The following PKD1L1 variants were observed in gnomAD, a reference collection of about 807,000 sequenced individuals.
PKD1L1 encodes polycystin-1-like protein 1.
A neutral mutation model predicts 323.4 loss-of-function variants in PKD1L1; 236 were observed. The observed-to-expected ratio is 0.73, with a 90% CI of 0.66 to 0.81. The LOEUF is 0.81. PKD1L1 is among the 40% of genes least tolerant of loss of function. PKD1L1 has a pLI of 0.00. For synonymous variants in PKD1L1, 1,344 were observed against 1,335.0 expected (o/e 1.01, Z -0.15); for missense variants, 3,320 against 3,508.0 (o/e 0.95, Z 1.35).
At chr7:47,880,551 GGATTACAA>G in intron 21 of PKD1L1, among the ~76,000 whole-genome samples, 169 bp downstream of exon 21, 1 of 64,500 alleles carries the variant, frequency 1.6e-5, no homozygotes, top group African/African-American at 1.3e-4. Flanking sequence ...CAAAGTGCTG[GGATTACAA>G]GCGTGAGCCA....
rs549222134 is a variant in PKD1L1 at position 47,940,979 on chromosome 7, C to G, written c.161-662G>C. On this transcript the variant is annotated intron_variant, in intron 2 of 56. Coordinates refer to ENST00000289672, the MANE Select transcript of PKD1L1 (RefSeq NM_138295.5). ...ACAGGTCCTTGAGTGTTTGTGATGC[C>G]ATTCTCTCTACTCATGCAGATGTTT... Among the ~76,000 whole-genome samples, 14 of 152,312 alleles carry G rather than the reference C, an allele frequency of 9.2e-5. No homozygotes were observed. In the South Asian group the frequency reaches 2.9e-3, roughly 32 times the overall value.
intron 37 of PKD1L1, 145 bp downstream of exon 37, chr7:47,836,776 T>C (rs1487344442): frequency 5.8e-6 from 6 of 1,042,408 alleles, no homozygotes; most frequent in Non-Finnish European, 6.9e-6. Flanking sequence ...TCCTGTTCCT[T>C]CTCTGGTCCC....
chr7:47,879,450 G>T (rs1435131270), intron 21 of PKD1L1, among the ~76,000 whole-genome samples: 1 of 151,922 alleles, frequency 6.6e-6, no homozygotes, highest in Middle Eastern at 3.2e-3. Context: ...TGGCCAACAT[G>T]GTGAAACCCC....
intron 46 of PKD1L1, among the ~76,000 whole-genome samples, chr7:47,816,277 T>C (rs1329433870): frequency 6.6e-6 from 1 of 152,226 alleles, no homozygotes; most frequent in African/African-American, 2.4e-5. Flanking sequence ...TTCATTATGT[T>C]TATAGATATG....
chr7:47,802,049 C>T (rs1489659759), intron 53 of PKD1L1, among the ~76,000 whole-genome samples: 4 of 151,946 alleles, frequency 2.6e-5, no homozygotes. Context: ...AAATTAGCCA[C>T]ACATGGTGGT....
intron 23 of PKD1L1, 74 bp from the exon 24 acceptor site, chr7:47,874,084 G>C (rs1052342470): frequency 7.7e-6 from 7 of 906,356 alleles, no homozygotes; most frequent in East Asian, 2.5e-5. Context: ...CACACAGACA[G>C]CATCTTCTGG....
rs1253596778 is a variant in PKD1L1, at chr7:47,830,110, T to A, written c.6488A>T (p.Gln2163Leu). The change falls in exon 43 of 57, where the codon CAA becomes CTA. Residue 2163 changes from glutamine to leucine, a missense_variant. Transcript: ENST00000289672. ...GFLAYRFGQE[Q>L]CVQWLHLLSL... ...CAGCAGGTGCAGCCACTGCACACAT[T>A]GCTCCTGGCCAAACCTGCCCCCAGG... is the stretch of plus-strand genomic sequence containing the variant. 6.2e-7 allele frequency: 1 copy of A among 1,613,894 alleles called. No homozygotes were observed. Among genetic ancestry groups the A allele is most frequent in the Non-Finnish European group, 8.5e-7 (1 of 1,179,968 alleles).
chr7:47,806,722 G>A (rs1784786439), intron 52 of PKD1L1, among the ~76,000 whole-genome samples: 1 of 152,204 alleles, frequency 6.6e-6, no homozygotes, highest in African/African-American at 2.4e-5. Flanking sequence ...GGTTGGCCTT[G>A]GCCAGCCCAG....
chr7:47,955,886 T>C, the PKD1L1 span, among the ~76,000 whole-genome samples: 2 of 152,224 alleles, frequency 1.3e-5, no homozygotes, highest in African/African-American at 4.8e-5. Context: ...AGTTATAACA[T>C]ACCATTTTTA....
chr7:47,791,430 A>T (rs17659634), intron 56 of PKD1L1, among the ~76,000 whole-genome samples: 2 of 144,544 alleles, frequency 1.4e-5, no homozygotes, highest in African/African-American at 5.1e-5. Flanking sequence ...GAGTTCTTTC[A>T]TCTTGGCTTC....
chr7:47,849,715 G>A (rs1785738996), intron 31 of PKD1L1, among the ~76,000 whole-genome samples: 1 of 152,140 alleles, frequency 6.6e-6, no homozygotes, highest in Admixed American at 6.5e-5. Flanking sequence ...GTGGTGAAAA[G>A]GGAATACTTT....
At chr7:47,793,383 G>C (rs570796552) in intron 55 of PKD1L1, among the ~76,000 whole-genome samples, 76 of 152,082 alleles carry the variant, frequency 5.0e-4, no homozygotes, top group South Asian at 8.3e-4. Context: ...TTGAATCATG[G>C]GGGCTGGTCT....
chr7:47,838,565 C>T (rs1785502773), intron 36 of PKD1L1, among the ~76,000 whole-genome samples: 1 of 152,180 alleles, frequency 6.6e-6, no homozygotes, highest in Non-Finnish European at 1.5e-5. Context: ...AAGAGACCTA[C>T]TCTAAAATGT....
At chr7:47,906,712 G>C (rs1787214016) in intron 9 of PKD1L1, among the ~76,000 whole-genome samples, 1 of 152,066 alleles carries the variant, frequency 6.6e-6, no homozygotes, top group South Asian at 2.1e-4. Context: ...TCTTTATAAA[G>C]AGAAAATACT....
chr7:47,816,759 G>C (rs556231266), intron 46 of PKD1L1, among the ~76,000 whole-genome samples: 1 of 152,356 alleles, frequency 6.6e-6, no homozygotes, highest in African/African-American at 2.4e-5. Context: ...ACCAGATCCA[G>C]ACTACTCCAA....
intron 49 of PKD1L1, among the ~76,000 whole-genome samples, chr7:47,812,269 C>T (rs1295818695): frequency 1.3e-5 from 2 of 152,108 alleles, no homozygotes; most frequent in Non-Finnish European, 2.9e-5. Flanking sequence ...ACCCTCTTCC[C>T]TGCAGCAGCC....
In PKD1L1 at chr7:47,858,733, G is replaced by C. The variant is rs1785957343; in HGVS notation, c.4302C>G (p.Asn1434Lys). The change falls in exon 27 of 57, where the codon AAC (asparagine) becomes AAG (lysine). Residue 1434 changes from asparagine (N) to lysine (K), a missense_variant. Transcript: ENST00000289672. ...CATGTCGATAGACTTCCTCCTTCGA[G>C]TTTTCTTGCTCAGAGACTTCCCAGA... ...SRVWEVSEQE[N>K]SKEEVYRHEE... 6.2e-7 allele frequency: 1 copy of C among 1,614,044 alleles called. No homozygotes were observed. Among genetic ancestry groups the C allele is most frequent in the Non-Finnish European group, 8.5e-7 (1 of 1,180,024 alleles).
chr7:47,798,482 G>A (rs907849543), intron 54 of PKD1L1, among the ~76,000 whole-genome samples: 9 of 152,198 alleles, frequency 5.9e-5, no homozygotes, highest in East Asian at 1.9e-4. Context: ...GAAAGGCCAC[G>A]TGCAGTGGCT....
intron 12 of PKD1L1, among the ~76,000 whole-genome samples, chr7:47,903,582 G>C (rs972924365): frequency 5.9e-5 from 9 of 152,220 alleles, no homozygotes; most frequent in African/African-American, 1.9e-4. Flanking sequence ...AGCGTGGAGA[G>C]GCTGCAGTGT....
Sources: gnomAD v4.1 joint callset for allele counts (sites outside exome capture counted in the v4.1 genomes callset) on GRCh38, gnomAD v4.1.1 for gene constraint, MANE v1.5 for transcripts, NCBI Gene and HGNC (gene_info 2026-07-23, HGNC 2026-07-21) for gene names.